TBC1D9: variants seen among roughly 807,000 people sequenced by gnomAD.
TBC1D9 encodes the protein TBC1 domain family member 9A.
TBC1D9 carries 63 observed loss-of-function variants against 132.0 expected under a neutral mutation model. That is an observed-to-expected ratio of 0.48 (90% CI 0.39 to 0.59). The LOEUF (loss-of-function observed/expected upper bound fraction) is 0.59. Ranked by LOEUF, TBC1D9 falls within the 20% of genes least tolerant of loss-of-function variation. The pLI, the probability that TBC1D9 is intolerant of heterozygous loss-of-function variation, is 0.00. For missense variants in TBC1D9, 1,261 were observed against 1,592.7 expected, an observed-to-expected ratio of 0.79 and a Z score of 3.54; for synonymous variants, 610 against 609.9, an observed-to-expected ratio of 1.00 and a Z score of 0.00.
chr4:140,626,739 G>A (rs773534336), intron 18 of TBC1D9, among the ~76,000 whole-genome samples: 44 of 152,298 alleles, frequency 2.9e-4, no homozygotes, highest in Non-Finnish European at 5.3e-4. Context: ...ATCATCCACA[G>A]AGAGCAGGAG....
intron 1 of TBC1D9, among the ~76,000 whole-genome samples, chr4:140,702,693 T>C (rs982950118): frequency 6.6e-6 from 1 of 152,196 alleles, no homozygotes; most frequent in African/African-American, 2.4e-5. Context: ...TGAAGCGGGA[T>C]TGGCACCAAA....
At chr4:140,731,762 G>A (rs1738594664) in intron 1 of TBC1D9, among the ~76,000 whole-genome samples, 1 of 152,098 alleles carries the variant, frequency 6.6e-6, no homozygotes, top group South Asian at 2.1e-4. Flanking sequence ...CTCCTGAGGA[G>A]CAGATACAAT....
At chr4:140,678,203 T>C (rs1373502398) in intron 5 of TBC1D9, among the ~76,000 whole-genome samples, 2 of 152,264 alleles carry the variant, frequency 1.3e-5, no homozygotes, top group Non-Finnish European at 2.9e-5. Flanking sequence ...CAAAGACCTC[T>C]GGTTAGATTT....
At chr4:140,633,228 T>A (rs548527003) in intron 16 of TBC1D9, among the ~76,000 whole-genome samples, 1 of 152,300 alleles carries the variant, frequency 6.6e-6, no homozygotes, top group East Asian at 1.9e-4. Context: ...TTAAAAAAAT[T>A]GTTCTTACCT....
chr4:140,644,776 G>C, intron 13 of TBC1D9: 1 of 400,806 alleles, frequency 2.5e-6, no homozygotes, highest in African/African-American at 2.1e-5. Context: ...GTACAGGGCG[G>C]GGCAAAGGGG....
At chr4:140,673,596 C>A (rs1737574016) in intron 6 of TBC1D9, among the ~76,000 whole-genome samples, 1 of 152,100 alleles carries the variant, frequency 6.6e-6, no homozygotes, top group South Asian at 2.1e-4. Flanking sequence ...TGGGGCTCTA[C>A]CATTAATACA....
chr4:140,742,531 C>CAAAAAAAAAAAAAAAAAAAAAA (rs35891616), intron 1 of TBC1D9, among the ~76,000 whole-genome samples: 1 of 63,448 alleles, frequency 1.6e-5, no homozygotes, highest in Non-Finnish European at 2.9e-5. Context: ...GACTCTGTCT[C>CAAAAAAAAAAAAAAAAAAAAAA]AAAAAAAAAA....
intron 9 of TBC1D9, among the ~76,000 whole-genome samples, chr4:140,662,637 T>C (rs1184296780): frequency 6.6e-6 from 1 of 152,210 alleles, no homozygotes; most frequent in Non-Finnish European, 1.5e-5. Context: ...GTTTTTCAAA[T>C]TGCAGAGTGG....
chr4:140,644,428 T>C (rs2110983325), intron 13 of TBC1D9: 1 of 295,852 alleles, frequency 3.4e-6, no homozygotes, highest in South Asian at 3.0e-5. Flanking sequence ...AGGGCGGCCA[T>C]GGGGGACGCG....
chr4:140,651,600 G>A (rs553498076), intron 13 of TBC1D9, among the ~76,000 whole-genome samples: 1 of 152,278 alleles, frequency 6.6e-6, no homozygotes, highest in Admixed American at 6.5e-5. Flanking sequence ...AAAATTCAAA[G>A]CTATGGATTA....
intron 6 of TBC1D9, among the ~76,000 whole-genome samples, chr4:140,673,679 C>T (rs896754065): frequency 6.6e-6 from 1 of 152,194 alleles, no homozygotes; most frequent in Admixed American, 6.5e-5. Flanking sequence ...CGCCTTCCAA[C>T]CACAACAAGC....
intron 13 of TBC1D9, among the ~76,000 whole-genome samples, chr4:140,653,014 C>G (rs904702255): frequency 6.6e-6 from 1 of 152,160 alleles, no homozygotes; most frequent in Non-Finnish European, 1.5e-5. Context: ...GTCTATGAAT[C>G]AAACTTTAAG....
In TBC1D9 at chr4:140,622,846, G is replaced by C; in HGVS notation, c.3150C>G (p.Tyr1050Ter). 1 of 1,593,170 alleles carries C rather than the reference G, an allele frequency of 6.3e-7. No individual in the cohort carries two copies. The highest frequency in any genetic ancestry group is 8.5e-7 in the Non-Finnish European group (1 of 1,172,510). Residue 1050 changes from tyrosine (Y) to a stop codon, truncating the protein, a stop_gained, in exon 21 of 21, where the codon TAC (tyrosine) becomes TAG (stop). Coordinates refer to ENST00000442267, the MANE Select transcript of TBC1D9 (RefSeq NM_015130.3). LOFTEE classifies it high-confidence loss of function. The stretch of plus-strand genomic sequence containing the variant: ...GGCTGGTCACTGCTGCCGTGGCGTG[G>C]TACAGCTCCTGCTCATTGGGGTCTT... Reference protein sequence around the residue: ...FSEDPNEQELYHATAAVTSLL... With the variant: ...FSEDPNEQEL
At chr4:140,660,917 C>CTT (rs33928591) in intron 10 of TBC1D9, among the ~76,000 whole-genome samples, 14,473 of 148,996 alleles carry the variant, frequency 0.097, 1,006 homozygotes, top group African/African-American at 0.2. Context: ...TTGATTCTTT[C>CTT]TTTTTTTTTT....
chr4:140,653,443 C>T (rs1326666702), intron 13 of TBC1D9, among the ~76,000 whole-genome samples: 1 of 152,180 alleles, frequency 6.6e-6, no homozygotes, highest in African/African-American at 2.4e-5. Flanking sequence ...TCAACCCTCA[C>T]CGGACATTTG....
intron 1 of TBC1D9, among the ~76,000 whole-genome samples, chr4:140,743,600 G>A (rs947094703): frequency 6.6e-6 from 1 of 152,144 alleles, no homozygotes; most frequent in Non-Finnish European, 1.5e-5. Context: ...TTTTGTCTGT[G>A]GCATTCCCTG....
rs34542002 is a variant in TBC1D9 at position 140,733,297 on chromosome 4, AT to A, written c.130+22618del. Among the ~76,000 whole-genome samples the A allele has an allele frequency of 3.3e-5, 5 of 151,724 alleles. No homozygotes were observed. In the East Asian group the frequency reaches 5.8e-4, roughly 18 times the overall value. ...ACTCCCCTTTGAAAATAATTATGTGATTTTTTTTTAAATGCCAAGAGTTATT... is the reference window on the plus strand; with the variant it reads ...ACTCCCCTTTGAAAATAATTATGTGATTTTTTTTAAATGCCAAGAGTTATT... On this transcript the variant is annotated intron_variant, in intron 1 of 20. Transcript: ENST00000442267.
chr4:140,690,351 T>A (rs923673434), intron 2 of TBC1D9, among the ~76,000 whole-genome samples: 1 of 152,092 alleles, frequency 6.6e-6, no homozygotes, highest in Non-Finnish European at 1.5e-5. Flanking sequence ...ATTTCCATAA[T>A]CCCCACCATC....
At position 140,657,640 on chromosome 4, in the gene TBC1D9, G is replaced by C. The variant is rs1196952441; in HGVS notation, c.2094C>G (p.Phe698Leu). ...FESAVVVVDC[F>L]FYEGIKVIFQ... ...ATATCACTTTAATTCCTTCATAGAA[G>C]AAACAGTCAACAACCACAACTGCAC... The change falls in exon 12 of 21, where the codon TTC becomes TTG. Residue 698 changes from phenylalanine to leucine, a missense_variant. Around this residue, in one of 3 missense-constraint regions of TBC1D9, gnomAD observed 618 missense variants for 724.4 expected, o/e 0.85. Transcript: ENST00000442267. 6.2e-7 allele frequency: 1 copy of C among 1,613,996 alleles called. No individual in the cohort carries two copies. Among genetic ancestry groups the C allele is most frequent in the African/African-American group, 1.3e-5 (1 of 75,028 alleles).
Sources: gnomAD v4.1 joint callset for allele counts (sites outside exome capture counted in the v4.1 genomes callset) on GRCh38, gnomAD v4.1.1 for gene constraint, gnomAD v4.1.1 regional missense constraint, MANE v1.5 for transcripts, NCBI Gene and HGNC (gene_info 2026-07-23, HGNC 2026-07-21) for gene names.